The following GPR157 variants were observed in gnomAD, a reference collection of about 807,000 sequenced individuals.
The protein encoded by GPR157 is G protein-coupled receptor 157.
In GPR157, 16 loss-of-function variants were observed where a neutral mutation model predicts 23.5. That is an observed-to-expected ratio of 0.68 (90% CI 0.46 to 1.04). GPR157 has a LOEUF of 1.04. Among genes scored for constraint, GPR157 ranks in the 50% least tolerant of loss-of-function variants. GPR157 has a pLI of 0.00. For synonymous variants in GPR157, 200 were observed against 221.5 expected, an observed-to-expected ratio of 0.90 and a Z score of 0.86; for missense variants, 440 against 460.7, an observed-to-expected ratio of 0.96 and a Z score of 0.41.
Position 9,104,498 on chromosome 1 carries a change from G to A in GPR157, c.929C>T (p.Thr310Ile). Reference sequence around the variant, plus strand: ...CTTGGAAGGCGCGGGAGCCTTGGGAGTGCCAGCCGGGCTCTTGGTGGGAGG... The same window carrying A: ...CTTGGAAGGCGCGGGAGCCTTGGGAATGCCAGCCGGGCTCTTGGTGGGAGG... ...SQPPTKSPAG[T>I]PKAPAPSKPG... Residue 310 changes from threonine (T) to isoleucine (I), a missense_variant, in exon 4 of 4, where the codon ACT becomes ATT. Physicochemically the swap from Thr to Ile is moderately conservative, Grantham distance 89. Transcript: ENST00000377411. The A allele has an allele frequency of 2.5e-6, 4 of 1,613,922 alleles. No homozygotes were observed. The highest frequency in any genetic ancestry group is 3.4e-6 in the Non-Finnish European group (4 of 1,179,986).
At position 9,104,277 on chromosome 1, in the gene GPR157, C is replaced by T. The variant is rs1642606647; in HGVS notation, c.*142G>A. ...GTAGAAGAAGCTGAGTTGGCAGCTG[C>T]TCTCCCAATGGAGCCGAGAGCATCA... On this transcript the variant is annotated 3_prime_UTR_variant, in exon 4 of 4. Transcript: ENST00000377411. 4.7e-6 allele frequency: 3 copies of T among 638,854 alleles called. No individual in the cohort carries two copies. Among genetic ancestry groups the T allele is most frequent in the South Asian group, 2.0e-5 (1 of 49,710 alleles). 39.6% of individuals were successfully genotyped at this position (638,854 alleles called of 1,614,324 possible). A position where few individuals can be genotyped will look rare whatever the true frequency, so the allele number is the denominator to read the frequency against.
chr1:9,104,713 C>A, intron 3 of GPR157, 79 bp from the exon 4 acceptor site: 1 of 1,111,438 alleles, frequency 9.0e-7, no homozygotes, highest in Non-Finnish European at 1.3e-6. Context: ...TTAAGAGAAA[C>A]GGCTAGGCTG....
rs1186862767 is a variant in GPR157 at position 9,111,360 on chromosome 1, C to A, written c.513G>T (p.Leu171=). The change falls in exon 2 of 4, where the codon CTG becomes CTT. Residue 171 remains leucine, a synonymous_variant. Transcript: ENST00000377411. ...GCATCTCCCACAGCTTCCCCGTCAG[C>A]AGCATCCACAGGACATGGTCCTTGG... ...LEAKDHVLWM[L]LTGKLWEMLA... 6.2e-7 allele frequency: 1 copy of A among 1,614,248 alleles called. No individual in the cohort carries two copies. The highest frequency in any genetic ancestry group is 2.2e-5 in the East Asian group (1 of 44,888).
At chr1:9,117,129 C>A (rs957088986) in intron 1 of GPR157, among the ~76,000 whole-genome samples, 5 of 152,116 alleles carry the variant, frequency 3.3e-5, no homozygotes, top group African/African-American at 4.8e-5. Flanking sequence ...CAGGCAGGAG[C>A]CCCATGCCCA....
intron 1 of GPR157, among the ~76,000 whole-genome samples, chr1:9,113,043 G>A (rs1362510717): frequency 6.6e-6 from 1 of 152,208 alleles, no homozygotes; most frequent in Non-Finnish European, 1.5e-5. Context: ...TGACGACAGT[G>A]ACTACAGGGT....
chr1:9,107,154 C>T (rs903502927), intron 2 of GPR157, among the ~76,000 whole-genome samples: 11 of 152,116 alleles, frequency 7.2e-5, no homozygotes, highest in Non-Finnish European at 1.5e-5. Context: ...AATGCAAGCC[C>T]CCTCCCTGCA....
chr1:9,112,950 C>T (rs766122715), intron 1 of GPR157, among the ~76,000 whole-genome samples: 15 of 152,146 alleles, frequency 9.9e-5, no homozygotes, highest in African/African-American at 3.6e-4. Context: ...TTTAGTGCAG[C>T]GGGCTGGATC....
intron 1 of GPR157, among the ~76,000 whole-genome samples, chr1:9,115,800 A>G (rs1638621892): frequency 6.6e-6 from 1 of 151,608 alleles, no homozygotes; most frequent in Non-Finnish European, 1.5e-5. Flanking sequence ...GGGGTCCAGC[A>G]AACTGTGGCT....
intron 2 of GPR157, among the ~76,000 whole-genome samples, chr1:9,108,825 A>G (rs1638408882): frequency 6.6e-6 from 1 of 151,134 alleles, no homozygotes; most frequent in South Asian, 2.1e-4. Context: ...TCTCTCTGTC[A>G]CCCAGGCTGG....
Position 9,123,175 on chromosome 1 carries a change from A to ATATATATATATATATATAAATAAAATT in GPR157, c.383+5443_383+5469dup, listed in dbSNP as rs1553175765. ...CTGTCTTGGGTGGGAAAAAAAAAAAATATATATATATATATATAAATAAAA... is the reference window on the plus strand; with the variant it reads ...CTGTCTTGGGTGGGAAAAAAAAAAAATATATATATATATATATAAATAAAATTTATATATATATATATATAAATAAAA... On this transcript the variant is annotated intron_variant, in intron 1 of 3. Transcript: ENST00000377411. Among the ~76,000 whole-genome samples the ATATATATATATATATATAAATAAAATT allele has an allele frequency of 1.7e-3, 152 of 87,076 alleles. 1 individual carries two copies. The highest frequency in any genetic ancestry group is 3.2e-3 in the Non-Finnish European group (136 of 42,042). 57.1% of individuals were successfully genotyped at this position (87,076 alleles called of 152,430 possible).
Position 9,104,243 on chromosome 1 carries a change from A to G in GPR157, c.*176T>C. 1.7e-6 allele frequency: 1 copy of G among 594,608 alleles called. No homozygotes were observed. Among genetic ancestry groups the G allele is most frequent in the Non-Finnish European group, 3.0e-6 (1 of 334,030 alleles). The allele number at this position is 594,608 out of a possible 1,614,324, so 36.8% of individuals were successfully genotyped here. On this transcript the variant is annotated 3_prime_UTR_variant, in exon 4 of 4. Transcript: ENST00000377411. Reference sequence around the variant, plus strand: ...TACCGGTGGAACTTGCTGCCTGAGGATCTAGGAGGTAGAAGAAGCTGAGTT... The same window carrying G: ...TACCGGTGGAACTTGCTGCCTGAGGGTCTAGGAGGTAGAAGAAGCTGAGTT...
intron 1 of GPR157, among the ~76,000 whole-genome samples, chr1:9,123,432 A>G (rs867971864): frequency 3.0e-3 from 346 of 115,502 alleles, no homozygotes; most frequent in Admixed American, 6.1e-3. Flanking sequence ...AAATATATAT[A>G]TTTAATTTAA....
rs1233268186 is a variant in GPR157, at chr1:9,104,312, GC to G, written c.*106del. ...GGAGCCGAGAGCATCAATAGCGGGG[GC>G]TTCTGGTGCAGCAGACATGCACTTC... On this transcript the variant is annotated 3_prime_UTR_variant, in exon 4 of 4. Coordinates refer to ENST00000377411, the MANE Select transcript of GPR157 (RefSeq NM_024980.5). 2.6e-6 allele frequency: 2 copies of G among 784,136 alleles called. No homozygotes were observed. The highest frequency in any genetic ancestry group is 3.5e-5 in the African/African-American group (2 of 57,366). 48.6% of individuals were successfully genotyped at this position (784,136 alleles called of 1,614,324 possible).
chr1:9,119,884 C>T (rs1032059451), intron 1 of GPR157, among the ~76,000 whole-genome samples: 1 of 152,322 alleles, frequency 6.6e-6, no homozygotes, highest in South Asian at 2.1e-4. Context: ...ATCTGCGAGA[C>T]CTGAATTCCC....
At position 9,116,325 on chromosome 1, in the gene GPR157, T is replaced by A. The variant is rs1638669717; in HGVS notation, c.384-4836A>T. On this transcript the variant is annotated intron_variant, in intron 1 of 3. Transcript: ENST00000377411. ...TATATTATATTATATATAATATATA[T>A]AAATTATATATAATTTATATATAAT... is the stretch of plus-strand genomic sequence containing the variant. Among the ~76,000 whole-genome samples the A allele has an allele frequency of 1.4e-4, 2 of 14,072 alleles. 1 individual carries two copies. The highest frequency in any genetic ancestry group is 2.1e-4 in the Non-Finnish European group (2 of 9,586). The allele number at this position is 14,072 out of a possible 152,430, so 9.2% of individuals were successfully genotyped here. A position where few individuals can be genotyped will look rare whatever the true frequency, so the allele number is the denominator to read the frequency against.
At chr1:9,107,180 G>C (rs1052117035) in intron 2 of GPR157, among the ~76,000 whole-genome samples, 1 of 152,068 alleles carries the variant, frequency 6.6e-6, no homozygotes, top group African/African-American at 2.4e-5. Flanking sequence ...AGGGCCTGCT[G>C]TACCCCCAGC....
intron 2 of GPR157, 183 bp downstream of exon 2, chr1:9,111,093 C>T (rs1569955565): frequency 3.1e-6 from 2 of 653,176 alleles, no homozygotes; most frequent in African/African-American, 1.8e-5. Context: ...ATGCACGATC[C>T]GTGTAACACA....
intron 1 of GPR157, among the ~76,000 whole-genome samples, chr1:9,123,763 T>TATATATAATATTAA (rs1638904726): frequency 7.7e-6 from 1 of 129,558 alleles, no homozygotes; most frequent in African/African-American, 2.9e-5. Context: ...TTTAATATTA[T>TATATATAATATTAA]ATATATTTAA....
At chr1:9,115,146 A>G (rs1638609100) in intron 1 of GPR157, among the ~76,000 whole-genome samples, 1 of 152,146 alleles carries the variant, frequency 6.6e-6, no homozygotes, top group Non-Finnish European at 1.5e-5. Context: ...ACTCATGTAC[A>G]GGCATGGACA....
Sources: gnomAD v4.1 joint callset for allele counts (sites outside exome capture counted in the v4.1 genomes callset) on GRCh38, gnomAD v4.1.1 for gene constraint, MANE v1.5 for transcripts, NCBI Gene and HGNC (gene_info 2026-07-23, HGNC 2026-07-21) for gene names.